LYST: variants seen among roughly 807,000 people sequenced by gnomAD.
The protein encoded by LYST is lysosomal-trafficking regulator.
LYST carries 192 observed loss-of-function variants against 413.6 expected under a neutral mutation model. That is an observed-to-expected ratio of 0.46 (90% CI 0.41 to 0.52). The LOEUF (loss-of-function observed/expected upper bound fraction) is 0.52, where lower values mean the gene tolerates loss of function less well. LYST is among the 20% of genes least tolerant of loss of function. The pLI is 0.00. For synonymous variants in LYST, 1,525 were observed against 1,567.3 expected (o/e 0.97, Z 0.64); for missense variants, 3,815 against 4,499.9 (o/e 0.85, Z 4.35).
At chr1:235,786,822 T>C (rs1246995435) in intron 14 of LYST, among the ~76,000 whole-genome samples, 1 of 144,750 alleles carries the variant, frequency 6.9e-6, no homozygotes, top group Non-Finnish European at 1.5e-5. Flanking sequence ...CACCGCATGT[T>C]CTCACTCATA....
At chr1:235,795,153 T>C (rs1671420375) in intron 10 of LYST, among the ~76,000 whole-genome samples, 1 of 152,176 alleles carries the variant, frequency 6.6e-6, no homozygotes, top group South Asian at 2.1e-4. Context: ...GGAGAGAAAG[T>C]GACAGTGCGG....
intron 1 of LYST, among the ~76,000 whole-genome samples, chr1:235,860,181 A>G (rs1679696997): frequency 6.6e-6 from 1 of 152,120 alleles, no homozygotes; most frequent in Admixed American, 6.5e-5. Context: ...CTTTTTTAAA[A>G]AAAGACTTTA....
At chr1:235,771,763 G>C (rs1010679926) in intron 19 of LYST, among the ~76,000 whole-genome samples, 3 of 151,848 alleles carry the variant, frequency 2.0e-5, no homozygotes, top group Non-Finnish European at 4.4e-5. Flanking sequence ...ACTTTTCTCT[G>C]TTTTGTGGCT....
intron 6 of LYST, 98 bp from the exon 7 acceptor site, chr1:235,804,763 A>G (rs1672631355): frequency 2.6e-6 from 2 of 755,944 alleles, no homozygotes; most frequent in East Asian, 5.4e-5. Context: ...GTATAAAGCT[A>G]ATCCATTTAT....
intron 24 of LYST, 122 bp downstream of exon 24, chr1:235,757,159 T>C: frequency 1.5e-6 from 1 of 655,506 alleles, no homozygotes; most frequent in Non-Finnish European, 2.6e-6. Flanking sequence ...ACTATATTAG[T>C]TCATTATTCT....
At chr1:235,672,095 G>A (rs964031741) in intron 50 of LYST, among the ~76,000 whole-genome samples, 13 of 152,152 alleles carry the variant, frequency 8.5e-5, no homozygotes, top group Admixed American at 6.6e-4. Flanking sequence ...TGTCAACTGG[G>A]TGAATTCTGA....
intron 48 of LYST, among the ~76,000 whole-genome samples, chr1:235,677,909 A>T (rs927668655): frequency 2.4e-4 from 36 of 152,174 alleles, no homozygotes; most frequent in African/African-American, 8.7e-4. Flanking sequence ...TATATTTTAC[A>T]TATTCTCCTA....
At chr1:235,739,230 T>C (rs1015401985) in intron 31 of LYST, among the ~76,000 whole-genome samples, 2 of 152,198 alleles carry the variant, frequency 1.3e-5, no homozygotes, top group Non-Finnish European at 2.9e-5. Context: ...GGCTGGATGG[T>C]ACTAATCTTG....
At chr1:235,671,946 G>C (rs549418201) in intron 50 of LYST, among the ~76,000 whole-genome samples, 1 of 152,344 alleles carries the variant, frequency 6.6e-6, no homozygotes, top group South Asian at 2.1e-4. Flanking sequence ...TTTTGGACTA[G>C]TGTGATAGAT....
intron 13 of LYST, 95 bp downstream of exon 13, chr1:235,788,606 T>A: frequency 8.5e-7 from 1 of 1,175,072 alleles, no homozygotes; most frequent in South Asian, 1.3e-5. Context: ...TGTTTTGCTA[T>A]AATGAACTTT....
At chr1:235,853,371 A>G (rs2103112267) in intron 1 of LYST, among the ~76,000 whole-genome samples, 1 of 152,278 alleles carries the variant, frequency 6.6e-6, no homozygotes, top group Non-Finnish European at 1.5e-5. Context: ...ACTAGTGAAT[A>G]TGGAAATAAA....
chr1:235,764,957 C>T (rs943472665), intron 21 of LYST, among the ~76,000 whole-genome samples: 1 of 152,110 alleles, frequency 6.6e-6, no homozygotes, highest in Non-Finnish European at 1.5e-5. Context: ...TTCTCTTTTA[C>T]TGATTCTTCA....
intron 10 of LYST, among the ~76,000 whole-genome samples, chr1:235,796,080 G>A (rs1671531409): frequency 6.6e-6 from 1 of 152,032 alleles, no homozygotes; most frequent in Non-Finnish European, 1.5e-5. Context: ...TAGTCAATAT[G>A]ACAGGAAAGA....
intron 1 of LYST, among the ~76,000 whole-genome samples, chr1:235,838,015 C>A (rs979246652): frequency 1.3e-5 from 2 of 152,010 alleles, no homozygotes; most frequent in African/African-American, 4.8e-5. Context: ...GACCAACATA[C>A]AAGTGGAAGG....
In LYST at chr1:235,731,786, A is replaced by C. The variant is rs1187107628; in HGVS notation, c.8802-609T>G. ...TCGGCCAGGCTTGTCTCAAACTCCT[A>C]GCCTCAAGTGATCCACCCACCTGGG... On this transcript the variant is annotated intron_variant, in intron 34 of 52. Coordinates refer to ENST00000389793, the MANE Select transcript of LYST (RefSeq NM_000081.4). Among the ~76,000 whole-genome samples, 5 of 152,024 alleles carry C rather than the reference A, an allele frequency of 3.3e-5. 1 individual carries two copies. In the South Asian group the frequency reaches 1.0e-3, roughly 32 times the overall value.
intron 1 of LYST, among the ~76,000 whole-genome samples, chr1:235,836,357 A>G (rs1558320227): frequency 1.3e-5 from 2 of 152,210 alleles, no homozygotes; most frequent in Admixed American, 6.5e-5. Context: ...AACATACACT[A>G]TAATGTCAGG....
At chr1:235,838,195 G>A (rs2103032434) in intron 1 of LYST, among the ~76,000 whole-genome samples, 1 of 152,290 alleles carries the variant, frequency 6.6e-6, no homozygotes, top group Non-Finnish European at 1.5e-5. Flanking sequence ...GAAGTGGGAA[G>A]GAGGTGTTAA....
chr1:235,860,609 CT>C (rs1679751813), intron 1 of LYST, among the ~76,000 whole-genome samples: 1 of 152,066 alleles, frequency 6.6e-6, no homozygotes, highest in South Asian at 2.1e-4. Flanking sequence ...TTCAGTTTGC[CT>C]TTTTTCACTT....
intron 1 of LYST, among the ~76,000 whole-genome samples, chr1:235,855,013 T>C (rs1268124213): frequency 1.3e-5 from 2 of 152,182 alleles, no homozygotes. Flanking sequence ...TCCCAACACA[T>C]AACACGTTGT....
Sources: allele counts gnomAD v4.1 joint callset (sites outside exome capture counted in the v4.1 genomes callset), GRCh38; gene constraint gnomAD v4.1.1; transcripts MANE v1.5; gene names NCBI Gene and HGNC (gene_info 2026-07-23, HGNC 2026-07-21).